NOM1: variants seen among roughly 807,000 people sequenced by gnomAD.
The protein encoded by NOM1 is nucleolar protein with MIF4G domain 1.
Under a neutral mutation model 73.3 loss-of-function variants are expected in NOM1, and 58 were observed. The observed-to-expected ratio is 0.79, with a 90% CI of 0.64 to 0.99. The LOEUF is 0.99. NOM1 is among the 50% of genes least tolerant of loss of function. The pLI is 0.00. For missense variants in NOM1, 1,226 were observed against 1,131.9 expected (o/e 1.08, Z -1.19); for synonymous variants, 487 against 446.8 (o/e 1.09, Z -1.14).
At position 156,950,244 on chromosome 7, in the gene NOM1, T is replaced by A. The variant is rs1456370292; in HGVS notation, c.507T>A (p.Ala169=). ...KTRPSAAATA[A]ARKRALLAAN... is the part of the protein sequence containing the mutation. ...GACCCTCCGCAGCCGCCACCGCCGC[T>A]GCCCGGAAACGGGCGCTTTTAGCGG... The change falls in exon 1 of 11, where the codon GCT becomes GCA. Residue 169 remains alanine (A), a synonymous_variant. Transcript: ENST00000275820. 1 of 1,613,310 alleles carries A rather than the reference T, an allele frequency of 6.2e-7. No homozygotes were observed. The highest frequency in any genetic ancestry group is 8.5e-7 in the Non-Finnish European group (1 of 1,179,664).
Position 156,949,771 on chromosome 7 carries a change from C to T in NOM1, c.34C>T (p.Pro12Ser), listed in dbSNP as rs895456537. Residue 12 changes from proline (P) to serine (S), a missense_variant, in exon 1 of 11, where the codon CCG becomes TCG. Transcript: ENST00000275820. ...AASRSAGEAGPGGSQGRVVRM... is the reference protein window; with the variant it reads ...AASRSAGEAGSGGSQGRVVRM... The stretch of plus-strand genomic sequence containing the variant: ...GTCCAGGAGCGCGGGAGAGGCCGGC[C>T]CGGGCGGCTCCCAGGGACGCGTGGT... 1.1e-5 allele frequency: 16 copies of T among 1,402,546 alleles called. No homozygotes were observed. Among genetic ancestry groups the T allele is most frequent in the Admixed American group, 6.6e-5 (2 of 30,502 alleles). 86.9% of individuals were successfully genotyped at this position (1,402,546 alleles called of 1,614,324 possible). A position where few individuals can be genotyped will look rare whatever the true frequency, so the allele number is the denominator to read the frequency against.
chr7:156,959,780 G>A, intron 3 of NOM1, 71 bp from the exon 4 acceptor site: 1 of 1,427,204 alleles, frequency 7.0e-7, no homozygotes, highest in African/African-American at 1.4e-5. Flanking sequence ...GAAAGTGCCA[G>A]TTCTGTGTGT....
At chr7:156,966,464 G>T in intron 8 of NOM1, 62 bp downstream of exon 8, 1 of 1,592,440 alleles carries the variant, frequency 6.3e-7, no homozygotes. Flanking sequence ...CAGGCTACCT[G>T]GCTCAACCCA....
rs547360834 is a variant in NOM1 at position 156,971,550 on chromosome 7, G to T, written c.*1847G>T. On this transcript the variant is annotated 3_prime_UTR_variant, in exon 11 of 11. Coordinates refer to ENST00000275820, the MANE Select transcript of NOM1 (RefSeq NM_138400.2). ...CACAAGCAGTAGAGACAAGATCTCC[G>T]TATGTTATACAGGCTGGCCTCAAGT... is the stretch of plus-strand genomic sequence containing the variant. 3 of 147,582 alleles carry T rather than the reference G, an allele frequency of 2.0e-5. No homozygotes were observed. Among genetic ancestry groups the T allele is most frequent in the Non-Finnish European group, 4.5e-5 (3 of 66,820 alleles). The allele number at this position is 147,582 out of a possible 1,614,324, so 9.1% of individuals were successfully genotyped here.
At position 156,964,088 on chromosome 7, in the gene NOM1, T is replaced by A. The variant is rs546062085; in HGVS notation, c.2033+62T>A. ...GATGCTGTAAAATAAGTAAGTTGAT[T>A]TGCTTTTTGAGTTTTGGACGACTGA... On this transcript the variant is annotated intron_variant, in intron 7 of 10. Transcript: ENST00000275820. 6 of 1,565,954 alleles carry A rather than the reference T, an allele frequency of 3.8e-6. No homozygotes were observed. The African/African-American group carries it at 8.1e-5, about 21-fold the overall frequency.
In NOM1 at chr7:156,966,353, T is replaced by C; in HGVS notation, c.2117T>C (p.Phe706Ser). Reference sequence around the variant, plus strand: ...CTTCAAGAGAAAACTTACAATCCCTTCTATGCTTTCCTGGCTAGCAAATTC... The same window carrying C: ...CTTCAAGAGAAAACTTACAATCCCTCCTATGCTTTCCTGGCTAGCAAATTC... Reference protein sequence around the residue: ...CCLQEKTYNPFYAFLASKFCE... With the variant: ...CCLQEKTYNPSYAFLASKFCE... The change falls in exon 8 of 11, where the codon TTC becomes TCC. Residue 706 changes from phenylalanine to serine, a missense_variant. Coordinates refer to ENST00000275820, the MANE Select transcript of NOM1 (RefSeq NM_138400.2). The C allele has an allele frequency of 1.2e-6, 2 of 1,614,218 alleles. No homozygotes were observed. The highest frequency in any genetic ancestry group is 2.2e-5 in the South Asian group (2 of 91,086).
chr7:156,954,269 A>G lies in NOM1; in HGVS notation c.1279A>G (p.Ser427Gly), dbSNP rs775029284. 3 of 1,604,306 alleles carry G rather than the reference A, an allele frequency of 1.9e-6. No homozygotes were observed. Among genetic ancestry groups the G allele is most frequent in the South Asian group, 1.1e-5 (1 of 89,716 alleles). ...RLMMEHVLLV[S>G]ILHHTVGIEV... ...GATGATGGAGCATGTTCTCTTAGTC[A>G]GCATCCTTCACCACACAGTTGGAAT... Residue 427 changes from serine to glycine, a missense_variant, in exon 3 of 11, where the codon AGC (serine) becomes GGC (glycine). By Grantham distance (56) the Ser-to-Gly change is moderately conservative. Transcript: ENST00000275820.
chr7:156,966,860 A>G, intron 8 of NOM1, 101 bp from the exon 9 acceptor site: 1 of 1,287,432 alleles, frequency 7.8e-7, no homozygotes, highest in East Asian at 2.5e-5. Flanking sequence ...AGAATATTAA[A>G]AATAAGATAA....
intron 8 of NOM1, 36 bp from the exon 9 acceptor site, chr7:156,966,925 C>T (rs747515938): frequency 3.8e-6 from 6 of 1,581,516 alleles, no homozygotes; most frequent in South Asian, 2.3e-5. Context: ...AATTTGTGGC[C>T]GTTTGCCTTT....
At chr7:156,967,607 C>T (rs1805031210) in intron 9 of NOM1, among the ~76,000 whole-genome samples, 1 of 152,194 alleles carries the variant, frequency 6.6e-6, no homozygotes, top group Admixed American at 6.5e-5. Flanking sequence ...TCTCTGCAAC[C>T]TCTGCCTCCG....
Position 156,950,523 on chromosome 7 carries a change from G to A in NOM1, c.786G>A (p.Glu262=), listed in dbSNP as rs1223170732. Reference sequence around the variant, plus strand: ...ACTCCCAGGACGAAAGTGAGGAGGAGGAGGAGGGAGACGTAGAAAAGGAAA... The same window carrying A: ...ACTCCCAGGACGAAAGTGAGGAGGAAGAGGAGGGAGACGTAGAAAAGGAAA... ...ESDSQDESEE[E]EEGDVEKEKK... The change falls in exon 1 of 11, where the codon GAG becomes GAA. Residue 262 remains glutamate, a synonymous_variant. Coordinates refer to ENST00000275820, the MANE Select transcript of NOM1 (RefSeq NM_138400.2). 1 of 1,614,138 alleles carries A rather than the reference G, an allele frequency of 6.2e-7. No homozygotes were observed.
In NOM1 at chr7:156,960,026, C is replaced by G; in HGVS notation, c.1484C>G (p.Thr495Ser). Residue 495 changes from threonine (T) to serine (S), a missense_variant, in exon 4 of 11, where the codon ACC becomes AGC. By Grantham distance (58) the Thr-to-Ser change is moderately conservative (BLOSUM62 1). Transcript: ENST00000275820. ...DILKKLIGTF[T>S]EKDIELILLM... ...TTGAAAAAACTGATTGGAACTTTCA[C>G]CGAAAAAGATATTGAACTGATCTTG... 1.2e-6 allele frequency: 2 copies of G among 1,614,090 alleles called. No homozygotes were observed. Among genetic ancestry groups the G allele is most frequent in the Non-Finnish European group, 1.7e-6 (2 of 1,180,020 alleles).
At chr7:156,953,623 T>G (rs968119326) in intron 2 of NOM1, among the ~76,000 whole-genome samples, 3 of 152,224 alleles carry the variant, frequency 2.0e-5, no homozygotes, top group Non-Finnish European at 4.4e-5. Context: ...TAGCACAGGT[T>G]CACAGTGAGT....
rs1554586573 is a variant in NOM1 at position 156,950,342 on chromosome 7, A to G, written c.605A>G (p.Asp202Gly). The G allele has an allele frequency of 1.9e-6, 3 of 1,614,008 alleles. No homozygotes were observed. The Admixed American group carries it at 5.0e-5, about 27-fold the overall frequency. The change falls in exon 1 of 11, where the codon GAC (aspartate) becomes GGC (glycine). Residue 202 changes from aspartate (D) to glycine (G), a missense_variant. Asp to Gly is a moderately conservative substitution (Grantham distance 94). Transcript: ENST00000275820. ...GGTTTGAACAAGCGCAAAAAGAAGG[A>G]CGGCAGCAGCTCCGTGCCGCTGAGC... The part of the protein sequence containing the change: ...CLGLNKRKKK[D>G]GSSSVPLSFA...
chr7:156,966,071 C>T, intron 7 of NOM1, 199 bp from the exon 8 acceptor site: 1 of 624,710 alleles, frequency 1.6e-6, no homozygotes, highest in Non-Finnish European at 2.8e-6. Context: ...CATTTTGCCA[C>T]ATTGTAGGAG....
chr7:156,968,176 T>C (rs896588530), intron 9 of NOM1, among the ~76,000 whole-genome samples: 9 of 152,210 alleles, frequency 5.9e-5, no homozygotes, highest in Non-Finnish European at 8.8e-5. Context: ...ACTTAGCTCA[T>C]GGAGGAGGCG....
Position 156,962,156 on chromosome 7 carries a change from G to A in NOM1, c.1638G>A (p.Arg546=). ...GSEFQDQTRI[R]FMLETMLALK... is the part of the protein sequence containing the mutation. The stretch of plus-strand genomic sequence containing the variant: ...TTTTTTCATTTTTCTTGAAGATTCG[G>A]TTTATGCTAGAGACGATGTTGGCCC... The change falls in exon 5 of 11, where the codon CGG becomes CGA. Residue 546 remains arginine (R), a synonymous_variant. Transcript: ENST00000275820. 2 of 1,613,608 alleles carry A rather than the reference G, an allele frequency of 1.2e-6. No homozygotes were observed. The highest frequency in any genetic ancestry group is 8.5e-7 in the Non-Finnish European group (1 of 1,179,602).
At chr7:156,967,921 CTG>C (rs780451538) in intron 9 of NOM1, among the ~76,000 whole-genome samples, 107 of 150,542 alleles carry the variant, frequency 7.1e-4, no homozygotes, top group Non-Finnish European at 1.2e-3. Context: ...AAAAAAAAAA[CTG>C]GAGCGCCTGG....
At chr7:156,960,846 G>A (rs1054487482) in intron 4 of NOM1, among the ~76,000 whole-genome samples, 6 of 152,160 alleles carry the variant, frequency 3.9e-5, no homozygotes, top group African/African-American at 1.4e-4. Context: ...AGTTTTGCAG[G>A]AGCTGGGGAG....
Sources: allele counts gnomAD v4.1 joint callset (sites outside exome capture counted in the v4.1 genomes callset), GRCh38; gene constraint gnomAD v4.1.1; transcripts MANE v1.5; gene names NCBI Gene and HGNC (gene_info 2026-07-23, HGNC 2026-07-21).